RSRC1: variants seen among roughly 807,000 people sequenced by gnomAD.
RSRC1 encodes serine/Arginine-related protein 53.
A neutral mutation model predicts 49.1 loss-of-function variants in RSRC1; 39 were observed. That is an observed-to-expected ratio of 0.79 (90% CI 0.61 to 1.04). The LOEUF (loss-of-function observed/expected upper bound fraction) is 1.04. Among genes scored for constraint, RSRC1 ranks in the 50% least tolerant of loss-of-function variants. The probability of loss-of-function intolerance (pLI) is 0.00; values close to 1 mark genes in which losing one functional copy is unlikely to be tolerated. For synonymous variants in RSRC1, 143 were observed against 130.8 expected (o/e 1.09, Z -0.63); for missense variants, 388 against 402.4 (o/e 0.96, Z 0.31).
intron 4 of RSRC1, among the ~76,000 whole-genome samples, chr3:158,271,425 A>C (rs1386774863): frequency 3.9e-5 from 6 of 152,144 alleles, no homozygotes; most frequent in Non-Finnish European, 7.4e-5. Context: ...GATTTGATGG[A>C]TACAGGCCTG....
intron 6 of RSRC1, among the ~76,000 whole-genome samples, chr3:158,424,502 T>C (rs1419744496): frequency 1.3e-5 from 2 of 150,832 alleles, no homozygotes; most frequent in East Asian, 3.9e-4. Flanking sequence ...TGAGGATTTT[T>C]GCATCAATGT....
chr3:158,125,044 C>G (rs1360440883), intron 3 of RSRC1, among the ~76,000 whole-genome samples: 1 of 152,006 alleles, frequency 6.6e-6, no homozygotes, highest in Admixed American at 6.6e-5. Flanking sequence ...GTCTCCAACT[C>G]CTGGTGTCAA....
chr3:158,316,345 AGTCT>A, intron 5 of RSRC1, among the ~76,000 whole-genome samples: 1 of 150,938 alleles, frequency 6.6e-6, no homozygotes, highest in East Asian at 2.0e-4. Context: ...TGCTTTTTTG[AGTCT>A]GTCTTATGTG....
intron 5 of RSRC1, among the ~76,000 whole-genome samples, chr3:158,334,859 A>T (rs1213977675): frequency 6.6e-6 from 1 of 152,122 alleles, no homozygotes; most frequent in Non-Finnish European, 1.5e-5. Flanking sequence ...TTAGTGGCAT[A>T]ATGTGTAGCC....
intron 4 of RSRC1, among the ~76,000 whole-genome samples, chr3:158,297,093 T>A (rs1727278074): frequency 6.6e-6 from 1 of 152,066 alleles, no homozygotes; most frequent in African/African-American, 2.4e-5. Context: ...TTGTTTATTG[T>A]TGGAGGATTT....
intron 3 of RSRC1, among the ~76,000 whole-genome samples, chr3:158,165,042 A>G (rs1316903130): frequency 6.6e-6 from 1 of 152,228 alleles, no homozygotes; most frequent in Non-Finnish European, 1.5e-5. Flanking sequence ...ATACTAAAAT[A>G]AAAGCAAATG....
intron 5 of RSRC1, among the ~76,000 whole-genome samples, chr3:158,307,237 G>A (rs1000526826): frequency 1.3e-5 from 2 of 151,858 alleles, no homozygotes; most frequent in Non-Finnish European, 2.9e-5. Context: ...TGGAAGCACT[G>A]GGTTAGTGTT....
chr3:158,306,034 A>T (rs1039363381), intron 5 of RSRC1, among the ~76,000 whole-genome samples: 19 of 152,094 alleles, frequency 1.2e-4, no homozygotes, highest in Non-Finnish European at 1.9e-4. Flanking sequence ...CAGTATACTC[A>T]GAGCTAACTA....
intron 4 of RSRC1, among the ~76,000 whole-genome samples, chr3:158,230,628 A>G (rs1286171927): frequency 1.3e-5 from 2 of 152,160 alleles, no homozygotes; most frequent in African/African-American, 2.4e-5. Flanking sequence ...CTGTCTTATT[A>G]GAAGATGCTA....
intron 7 of RSRC1, among the ~76,000 whole-genome samples, chr3:158,477,167 ACTC>A (rs140871220): frequency 6.6e-6 from 1 of 152,274 alleles, no homozygotes; most frequent in Non-Finnish European, 1.5e-5. Flanking sequence ...GATGGAATCT[ACTC>A]CTGGTGAAGA....
intron 4 of RSRC1, among the ~76,000 whole-genome samples, chr3:158,264,859 G>C (rs1416383609): frequency 1.3e-5 from 2 of 152,208 alleles, no homozygotes; most frequent in African/African-American, 4.8e-5. Context: ...TGGCTTGTTG[G>C]AATGGGCACT....
chr3:158,290,843 T>C (rs1300774103), intron 4 of RSRC1, among the ~76,000 whole-genome samples: 1 of 152,184 alleles, frequency 6.6e-6, no homozygotes, highest in African/African-American at 2.4e-5. Flanking sequence ...AACTGCAGCA[T>C]ACTAGTCTTT....
At position 158,492,596 on chromosome 3, in the gene RSRC1, C is replaced by A. The variant is rs183771951; in HGVS notation, c.652+31593C>A. Reference sequence around the variant, plus strand: ...CTTTATTTTTCTCCCTCTGCCACTTCCCCAGAAGGAAAGTGCCAGTTGCTT... The same window carrying A: ...CTTTATTTTTCTCCCTCTGCCACTTACCCAGAAGGAAAGTGCCAGTTGCTT... On this transcript the variant is annotated intron_variant, in intron 7 of 9. Transcript: ENST00000611884. Among the ~76,000 whole-genome samples, 215 of 152,266 alleles carry A rather than the reference C, an allele frequency of 1.4e-3. 1 individual carries two copies. Among genetic ancestry groups the A allele is most frequent in the Non-Finnish European group, 1.3e-3 (89 of 68,012 alleles).
chr3:158,318,943 G>C (rs1010105475), intron 5 of RSRC1, among the ~76,000 whole-genome samples: 1 of 152,144 alleles, frequency 6.6e-6, no homozygotes, highest in East Asian at 1.9e-4. Flanking sequence ...CCTGGGGCGG[G>C]AGCCTGGATC....
At chr3:158,470,359 C>CAT (rs1219686437) in intron 7 of RSRC1, among the ~76,000 whole-genome samples, 1,741 of 93,190 alleles carry the variant, frequency 0.019, 21 homozygotes, top group East Asian at 0.074. Context: ...CACACACACA[C>CAT]ACATATATAT....
intron 7 of RSRC1, among the ~76,000 whole-genome samples, chr3:158,490,190 T>C (rs1263072862): frequency 2.0e-5 from 3 of 152,188 alleles, no homozygotes; most frequent in Non-Finnish European, 4.4e-5. Flanking sequence ...GTTCACACCA[T>C]TCTCCTGCCT....
chr3:158,214,156 T>C (rs570566984), intron 4 of RSRC1, among the ~76,000 whole-genome samples: 1 of 152,040 alleles, frequency 6.6e-6, no homozygotes, highest in Admixed American at 6.6e-5. Flanking sequence ...TACTGTGCTA[T>C]TTTGTGTAAG....
At position 158,352,767 on chromosome 3, in the gene RSRC1, T is replaced by C. The variant is rs142892414; in HGVS notation, c.532-2090T>C. The stretch of plus-strand genomic sequence containing the variant: ...CTGCATGACCACAATCAGTTGGTGC[T>C]GGGTGTCAGCTGCTTCCTTTAGTTG... On this transcript the variant is annotated intron_variant, in intron 5 of 9. Coordinates refer to ENST00000611884, the MANE Select transcript of RSRC1 (RefSeq NM_001271838.2). Among the ~76,000 whole-genome samples the C allele has an allele frequency of 1.1e-3, 166 of 152,330 alleles. 2 individuals are homozygous for C. Among genetic ancestry groups the C allele is most frequent in the African/African-American group, 3.9e-3 (161 of 41,576 alleles).
At chr3:158,412,563 G>A (rs1018379648) in intron 6 of RSRC1, among the ~76,000 whole-genome samples, 3 of 152,120 alleles carry the variant, frequency 2.0e-5, no homozygotes, top group Non-Finnish European at 4.4e-5. Context: ...GTTAATGAGT[G>A]TAGAGGGGCA....
Sources: allele counts gnomAD v4.1 joint callset (sites outside exome capture counted in the v4.1 genomes callset), GRCh38; gene constraint gnomAD v4.1.1; transcripts MANE v1.5; gene names NCBI Gene and HGNC (gene_info 2026-07-23, HGNC 2026-07-21).